Variants in LRP1B observed in about 807,000 individuals in gnomAD.
LRP1B encodes the protein low-density lipoprotein receptor-related protein 1B.
LRP1B carries 217 observed loss-of-function variants against 556.6 expected under a neutral mutation model. That is an observed-to-expected ratio of 0.39 (90% CI 0.35 to 0.44). LRP1B has a LOEUF of 0.44. Among genes scored for constraint, LRP1B ranks in the 20% least tolerant of loss-of-function variants. The pLI is 1.00. For synonymous variants in LRP1B, 2,047 were observed against 1,865.8 expected (o/e 1.10, Z -2.50); for missense variants, 5,053 against 5,620.8 (o/e 0.90, Z 3.23).
chr2:142,022,817 C>T (rs989912598), intron 1 of LRP1B, among the ~76,000 whole-genome samples: 4 of 152,176 alleles, frequency 2.6e-5, no homozygotes, highest in Admixed American at 2.0e-4. Context: ...GTTACAGGTG[C>T]GTGCCATCAC....
intron 41 of LRP1B, among the ~76,000 whole-genome samples, chr2:140,605,596 CTCTTTCTTTCTCTCTCT>C (rs1440476662): frequency 9.3e-4 from 135 of 145,190 alleles, no homozygotes; most frequent in African/African-American, 3.2e-3. Context: ...CTTTTTATTT[CTCTTTCTTTCTCTCTCT>C]TCTTTCTTTC....
intron 7 of LRP1B, among the ~76,000 whole-genome samples, chr2:141,097,179 C>T (rs767109093): frequency 5.9e-5 from 9 of 152,220 alleles, no homozygotes; most frequent in Non-Finnish European, 1.2e-4. Context: ...CAGAGTTAAT[C>T]ATTGAATTCT....
intron 1 of LRP1B, among the ~76,000 whole-genome samples, chr2:141,822,960 C>G (rs1042949187): frequency 6.6e-6 from 1 of 152,114 alleles, no homozygotes; most frequent in South Asian, 2.1e-4. Context: ...TAACACATTC[C>G]GTGAACAGAG....
rs575431609 is a variant in LRP1B, at chr2:141,076,814, T to C, written c.1014-14541A>G. The stretch of plus-strand genomic sequence containing the variant: ...CTAGAGAAAATACAAAACAAGATCA[T>C]TGAGGATAAAGATGCTTTTGAATTT... On this transcript the variant is annotated intron_variant, in intron 7 of 90. Transcript: ENST00000389484. 4.6e-5 allele frequency among the ~76,000 whole-genome samples: 7 copies of C among 152,248 alleles called. No homozygotes were observed. In the East Asian group the frequency reaches 1.4e-3, roughly 29 times the overall value.
intron 6 of LRP1B, among the ~76,000 whole-genome samples, chr2:141,222,787 C>A (rs1044770247): frequency 6.6e-6 from 1 of 152,058 alleles, no homozygotes; most frequent in African/African-American, 2.4e-5. Context: ...AAGGCAAAAA[C>A]CACATGATTA....
intron 41 of LRP1B, among the ~76,000 whole-genome samples, chr2:140,690,649 A>G (rs961231984): frequency 1.3e-5 from 2 of 152,122 alleles, no homozygotes; most frequent in Non-Finnish European, 2.9e-5. Context: ...AGGAGATTTC[A>G]TATTTTTTTT....
chr2:141,298,537 T>C (rs1013302507), intron 3 of LRP1B, among the ~76,000 whole-genome samples: 1 of 152,118 alleles, frequency 6.6e-6, no homozygotes, highest in African/African-American at 2.4e-5. Flanking sequence ...CTGACACACA[T>C]TGATGCTGGG....
chr2:141,087,848 T>C (rs1700083932), intron 7 of LRP1B, among the ~76,000 whole-genome samples: 2 of 149,992 alleles, frequency 1.3e-5, no homozygotes, highest in South Asian at 4.3e-4. Flanking sequence ...GAGCTACTAC[T>C]GTGGATGAGA....
intron 1 of LRP1B, among the ~76,000 whole-genome samples, chr2:141,920,289 TG>T (rs1558962154): frequency 4.8e-5 from 5 of 104,398 alleles, no homozygotes; most frequent in Admixed American, 1.1e-4. Flanking sequence ...TGGGGGGGGG[TG>T]GTAGGGATAA....
chr2:140,256,759 G>A (rs1433072205), intron 86 of LRP1B, among the ~76,000 whole-genome samples: 4 of 151,356 alleles, frequency 2.6e-5, no homozygotes, highest in African/African-American at 7.3e-5. Flanking sequence ...GAGCCACCGC[G>A]CCCAACCCTT....
At chr2:141,893,041 C>T (rs1312594005) in intron 1 of LRP1B, among the ~76,000 whole-genome samples, 1 of 152,114 alleles carries the variant, frequency 6.6e-6, no homozygotes, top group East Asian at 1.9e-4. Flanking sequence ...GTACTGGACA[C>T]AATCTCATAT....
At chr2:140,464,822 G>T (rs924204197) in intron 60 of LRP1B, among the ~76,000 whole-genome samples, 4 of 152,128 alleles carry the variant, frequency 2.6e-5, no homozygotes, top group African/African-American at 9.7e-5. Context: ...TGAAGCCTTT[G>T]AAAAGCATTT....
intron 18 of LRP1B, among the ~76,000 whole-genome samples, chr2:140,976,369 TACAAG>T (rs1696598918): frequency 6.6e-6 from 1 of 152,010 alleles, no homozygotes; most frequent in Admixed American, 6.6e-5. Context: ...CAAGTAAGAC[TACAAG>T]TACAAGAGAC....
intron 70 of LRP1B, 71 bp downstream of exon 70, chr2:140,371,108 T>C: frequency 1.9e-6 from 2 of 1,042,204 alleles, no homozygotes; most frequent in South Asian, 1.7e-5. Context: ...TTTCTCTTTA[T>C]TTTCATTACA....
At chr2:140,242,933 AT>A (rs1681013031) in intron 87 of LRP1B, among the ~76,000 whole-genome samples, 6 of 151,162 alleles carry the variant, frequency 4.0e-5, no homozygotes, top group Non-Finnish European at 7.4e-5. Context: ...TTATTGTTTG[AT>A]TCAACTTAGG....
chr2:141,830,401 T>G (rs1338820913), intron 1 of LRP1B, among the ~76,000 whole-genome samples: 1 of 151,912 alleles, frequency 6.6e-6, no homozygotes, highest in East Asian at 1.9e-4. Context: ...GTAAATTGAA[T>G]GTATGAAATA....
At chr2:141,067,126 T>C (rs1459532276) in intron 7 of LRP1B, among the ~76,000 whole-genome samples, 1 of 152,000 alleles carries the variant, frequency 6.6e-6, no homozygotes, top group Non-Finnish European at 1.5e-5. Flanking sequence ...TATGCCATTG[T>C]ACCTTGTACA....
chr2:141,351,712 C>T (rs957077048), intron 3 of LRP1B, among the ~76,000 whole-genome samples: 3 of 151,946 alleles, frequency 2.0e-5, no homozygotes, highest in African/African-American at 7.3e-5. Context: ...ATAATCAATA[C>T]TCTAATAACA....
intron 20 of LRP1B, among the ~76,000 whole-genome samples, chr2:140,928,386 T>C (rs752775164): frequency 4.6e-5 from 7 of 152,112 alleles, no homozygotes; most frequent in Non-Finnish European, 1.0e-4. Context: ...TATGGCTCAT[T>C]TTACATATCT....
Sources: gnomAD v4.1 joint callset for allele counts (sites outside exome capture counted in the v4.1 genomes callset) on GRCh38, gnomAD v4.1.1 for gene constraint, MANE v1.5 for transcripts, NCBI Gene and HGNC (gene_info 2026-07-23, HGNC 2026-07-21) for gene names.